The following LMAN1 variants were observed in gnomAD, a reference collection of about 807,000 sequenced individuals.
LMAN1 encodes lectin, mannose binding 1, also known as protein ERGIC-53.
A neutral mutation model predicts 67.8 loss-of-function variants in LMAN1; 32 were observed. That is an observed-to-expected ratio of 0.47 (90% CI 0.36 to 0.63). The LOEUF is 0.63. Ranked by LOEUF, LMAN1 falls within the 30% of genes least tolerant of loss-of-function variation. The probability of loss-of-function intolerance (pLI) is 0.00; values close to 1 mark genes in which losing one functional copy is unlikely to be tolerated. For missense variants in LMAN1, 632 were observed against 628.2 expected (o/e 1.01, Z -0.06); for synonymous variants, 235 against 219.3 (o/e 1.07, Z -0.63).
Position 59,354,502 on chromosome 18 carries a change from A to C in LMAN1, c.539+17T>G, listed in dbSNP as rs766084867. 15 of 1,402,112 alleles carry C rather than the reference A, an allele frequency of 1.1e-5. No individual in the cohort carries two copies. The Admixed American group carries it at 2.4e-4, about 22-fold the overall frequency. 86.9% of individuals were successfully genotyped at this position (1,402,112 alleles called of 1,614,324 possible). A position where few individuals can be genotyped will look rare whatever the true frequency, so the allele number is the denominator to read the frequency against. The stretch of plus-strand genomic sequence containing the variant: ...AAGAAGCTGAAATCAGGAGTAATGT[A>C]AAAAACACACACTTACTTTTGATGG... On this transcript the variant is annotated intron_variant, in intron 4 of 12. Transcript: ENST00000251047.
At position 59,331,211 on chromosome 18, in the gene LMAN1, T is replaced by C. The variant is rs1178554024; in HGVS notation, c.1497-82A>G. ...GAAACAGGACTATTTAAAATTAAAA[T>C]ATCAATGCCTTTTGAAGTATACAAC... On this transcript the variant is annotated intron_variant, in intron 12 of 12. Transcript: ENST00000251047. 7.3e-6 allele frequency: 9 copies of C among 1,225,134 alleles called. No individual in the cohort carries two copies. In the African/African-American group the frequency reaches 1.2e-4, roughly 16 times the overall value. The allele number at this position is 1,225,134 out of a possible 1,614,324, so 75.9% of individuals were successfully genotyped here. A position where few individuals can be genotyped will look rare whatever the true frequency, so the allele number is the denominator to read the frequency against.
chr18:59,338,678 C>A (rs997136446), intron 9 of LMAN1, 51 bp from the exon 10 acceptor site: 1 of 1,602,316 alleles, frequency 6.2e-7, no homozygotes, highest in Non-Finnish European at 8.6e-7. Context: ...ATTCTATGAG[C>A]ACATAGTACA....
intron 11 of LMAN1, 34 bp downstream of exon 11, chr18:59,333,057 T>A: frequency 6.4e-7 from 1 of 1,564,474 alleles, no homozygotes; most frequent in Non-Finnish European, 8.8e-7. Flanking sequence ...TTCCTAAAGA[T>A]TATAATTATA....
chr18:59,345,889 G>C, intron 8 of LMAN1, 30 bp downstream of exon 8: 1 of 1,613,228 alleles, frequency 6.2e-7, no homozygotes, highest in South Asian at 1.1e-5. Flanking sequence ...GCCCTGCTGC[G>C]GCACCCATGT....
intron 10 of LMAN1, among the ~76,000 whole-genome samples, chr18:59,335,711 C>T (rs563826749): frequency 1.9e-4 from 29 of 152,206 alleles, no homozygotes; most frequent in Admixed American, 6.5e-4. Context: ...AAGAATCTAG[C>T]TGGATCCTAA....
At chr18:59,352,679 G>A (rs139147003) in intron 5 of LMAN1, 4 of 176,078 alleles carry the variant, frequency 2.3e-5, no homozygotes, top group Non-Finnish European at 4.9e-5. Context: ...TGATCTCCCT[G>A]TAGGGCACAG....
intron 1 of LMAN1, among the ~76,000 whole-genome samples, 165 bp downstream of exon 1, chr18:59,358,866 G>A (rs532784044): frequency 6.6e-6 from 1 of 152,296 alleles, no homozygotes; most frequent in Admixed American, 6.5e-5. Context: ...TGCGAACCAG[G>A]AGGGACCCGG....
In LMAN1 at chr18:59,359,187, A is replaced by G. The variant is rs199796635; in HGVS notation, c.58T>C (p.Leu20=). 6 of 1,614,064 alleles carry G rather than the reference A, an allele frequency of 3.7e-6. No individual in the cohort carries two copies. In the East Asian group the frequency reaches 1.3e-4, roughly 36 times the overall value. Residue 20 remains leucine, a synonymous_variant, in exon 1 of 13, where the codon TTG becomes CTG. Coordinates refer to ENST00000251047, the MANE Select transcript of LMAN1 (RefSeq NM_005570.4). ...RARVRPLFCA[L]LLSLGRFVRG... ...ACGAAGCGACCGAGTGACAGCAGCAAGGCGCAGAACAGCGGCCGAACTCTG... is the reference window on the plus strand; with the variant it reads ...ACGAAGCGACCGAGTGACAGCAGCAGGGCGCAGAACAGCGGCCGAACTCTG...
Position 59,330,271 on chromosome 18 carries a change from G to A in LMAN1, c.*822C>T, listed in dbSNP as rs2070739412. ...AGCTGAATTTACATGCTGTAGTAAA[G>A]GGAGAAATAAATTCCTTAAGTTACA... On this transcript the variant is annotated 3_prime_UTR_variant, in exon 13 of 13. Coordinates refer to ENST00000251047, the MANE Select transcript of LMAN1 (RefSeq NM_005570.4). The A allele has an allele frequency of 6.6e-6, 1 of 152,478 alleles. No homozygotes were observed. Among genetic ancestry groups the A allele is most frequent in the African/African-American group, 2.4e-5 (1 of 41,390 alleles). 9.4% of individuals were successfully genotyped at this position (152,478 alleles called of 1,614,324 possible).
chr18:59,349,309 GACT>G, intron 5 of LMAN1, 73 bp from the exon 6 acceptor site: 1 of 1,322,182 alleles, frequency 7.6e-7, no homozygotes, highest in Non-Finnish European at 1.1e-6. Context: ...TCCATTTTAT[GACT>G]ACTATTCAGT....
chr18:59,347,542 A>G lies in LMAN1; in HGVS notation c.793T>C (p.Phe265Leu). The change falls in exon 7 of 13, where the codon TTC (phenylalanine) becomes CTC (leucine). Residue 265 changes from phenylalanine to leucine, a missense_variant. Physicochemically the swap from Phe to Leu is conservative, Grantham distance 22. Transcript: ENST00000251047. ...TCTTTTCCAGGTTCAGTCAACTGGA[A>G]AGTCAGAAAAGAAAGGACATCATGG... ...DDHDVLSFLT[F>L]QLTEPGKEPP... is the part of the protein sequence containing the mutation. 1 of 1,611,520 alleles carries G rather than the reference A, an allele frequency of 6.2e-7. No individual in the cohort carries two copies. Among genetic ancestry groups the G allele is most frequent in the African/African-American group, 1.3e-5 (1 of 74,948 alleles).
At chr18:59,348,830 A>G (rs566424923) in intron 6 of LMAN1, among the ~76,000 whole-genome samples, 1 of 152,366 alleles carries the variant, frequency 6.6e-6, no homozygotes, top group African/African-American at 2.4e-5. Flanking sequence ...TGACTTTGAT[A>G]GCCTCTACTT....
At chr18:59,341,562 C>G (rs897522337) in intron 8 of LMAN1, among the ~76,000 whole-genome samples, 1 of 152,052 alleles carries the variant, frequency 6.6e-6, no homozygotes, top group East Asian at 1.9e-4. Context: ...AGAAACTAAA[C>G]AAACACATGG....
chr18:59,333,075 A>C lies in LMAN1; in HGVS notation c.1374+16T>G. The C allele has an allele frequency of 6.2e-7, 1 of 1,605,360 alleles. No homozygotes were observed. Among genetic ancestry groups the C allele is most frequent in the Non-Finnish European group, 8.5e-7 (1 of 1,172,310 alleles). On this transcript the variant is annotated intron_variant, in intron 11 of 12. Coordinates refer to ENST00000251047, the MANE Select transcript of LMAN1 (RefSeq NM_005570.4). ...CTAAAGATTATAATTATAAAAGGAA[A>C]AGGAAACAAAGTTACCATATTTCGC...
At chr18:59,351,536 AT>A (rs1351986974) in intron 5 of LMAN1, 1 of 152,226 alleles carries the variant, frequency 6.6e-6, no homozygotes, top group Non-Finnish European at 1.5e-5. Flanking sequence ...GTGAAAAAAA[AT>A]TCCATAGTTA....
intron 11 of LMAN1, 25 bp from the exon 12 acceptor site, chr18:59,331,564 A>G: frequency 6.2e-7 from 1 of 1,611,546 alleles, no homozygotes; most frequent in Non-Finnish European, 8.5e-7. Flanking sequence ...ACTTTCTATT[A>G]CAGTTAGTCA....
At chr18:59,347,741 C>A (rs1908451800) in intron 6 of LMAN1, among the ~76,000 whole-genome samples, 170 bp from the exon 7 acceptor site, 1 of 152,186 alleles carries the variant, frequency 6.6e-6, no homozygotes, top group Non-Finnish European at 1.5e-5. Flanking sequence ...AGCTTAGAGA[C>A]CAAAATTCAC....
At chr18:59,356,719 A>G (rs1207670134) in intron 1 of LMAN1, among the ~76,000 whole-genome samples, 1 of 152,212 alleles carries the variant, frequency 6.6e-6, no homozygotes, top group Non-Finnish European at 1.5e-5. Flanking sequence ...CAGAAGACCT[A>G]GATTTGAGTT....
In LMAN1 at chr18:59,334,107, T is replaced by C. The variant is rs546956862; in HGVS notation, c.1221-863A>G. 2.6e-4 allele frequency among the ~76,000 whole-genome samples: 40 copies of C among 152,300 alleles called. No homozygotes were observed. In the South Asian group the frequency reaches 8.1e-3, roughly 31 times the overall value. On this transcript the variant is annotated intron_variant, in intron 10 of 12. Coordinates refer to ENST00000251047, the MANE Select transcript of LMAN1 (RefSeq NM_005570.4). Reference sequence around the variant, plus strand: ...TCAAATTAAGCATAACATTTTAATATAACTAAAATAATACCAAGACCAAAA... The same window carrying C: ...TCAAATTAAGCATAACATTTTAATACAACTAAAATAATACCAAGACCAAAA...
Sources: allele counts gnomAD v4.1 joint callset (sites outside exome capture counted in the v4.1 genomes callset), GRCh38; gene constraint gnomAD v4.1.1; transcripts MANE v1.5; gene names NCBI Gene and HGNC (gene_info 2026-07-23, HGNC 2026-07-21).